The following AMD1 variants were observed in gnomAD, a reference collection of about 807,000 sequenced individuals.
AMD1 encodes adenosylmethionine decarboxylase 1.
Under a neutral mutation model 40.2 loss-of-function variants are expected in AMD1, and 11 were observed. The observed-to-expected ratio is 0.27, with a 90% CI of 0.17 to 0.45. The LOEUF is 0.45. AMD1 is among the 20% of genes least tolerant of loss of function. AMD1 has a pLI of 1.00. For missense variants in AMD1, 257 were observed against 410.2 expected, an observed-to-expected ratio of 0.63 and a Z score of 3.23; for synonymous variants, 121 against 130.8, an observed-to-expected ratio of 0.93 and a Z score of 0.51.
At chr6:110,875,924 C>G (rs1326988115) in intron 1 of AMD1, among the ~76,000 whole-genome samples, 2 of 152,182 alleles carry the variant, frequency 1.3e-5, no homozygotes, top group Non-Finnish European at 2.9e-5. Context: ...CCCGGGGCCG[C>G]CCTCGACACG....
chr6:110,816,608 G>A, the AMD1 span, among the ~76,000 whole-genome samples: 45 of 152,286 alleles, frequency 3.0e-4, no homozygotes, highest in African/African-American at 1.0e-3. Context: ...CGTAATTAAA[G>A]GAATCTTACC....
chr6:110,851,097 G>A, the AMD1 span, among the ~76,000 whole-genome samples: 1 of 151,972 alleles, frequency 6.6e-6, no homozygotes, highest in Non-Finnish European at 1.5e-5. Flanking sequence ...CCGAGTAGCT[G>A]GGACTACAGG....
the AMD1 span, among the ~76,000 whole-genome samples, chr6:110,827,780 A>G: frequency 6.6e-6 from 1 of 152,004 alleles, no homozygotes; most frequent in Admixed American, 6.6e-5. Context: ...AAAAAAAAAA[A>G]AACACTACGA....
At chr6:110,860,824 AACACCCACCCACAC>A in the AMD1 span, among the ~76,000 whole-genome samples, 87 of 133,584 alleles carry the variant, frequency 6.5e-4, 1 homozygote, top group East Asian at 0.016. Flanking sequence ...AACAAAACAA[AACACCCACCCACAC>A]ACACACACAC....
At chr6:110,888,077 G>A (rs761009569) in intron 2 of AMD1, among the ~76,000 whole-genome samples, 12 of 152,148 alleles carry the variant, frequency 7.9e-5, no homozygotes, top group Non-Finnish European at 1.6e-4. Context: ...AAGCCTCACC[G>A]GACAGTTCAA....
intron 2 of AMD1, among the ~76,000 whole-genome samples, chr6:110,888,117 TAAAG>T (rs1785799781): frequency 1.3e-5 from 2 of 152,130 alleles, no homozygotes; most frequent in African/African-American, 4.8e-5. Flanking sequence ...TCCCAATTGG[TAAAG>T]AAGGACCTCT....
the AMD1 span, among the ~76,000 whole-genome samples, chr6:110,840,425 A>G: frequency 6.6e-6 from 1 of 151,976 alleles, no homozygotes; most frequent in Non-Finnish European, 1.5e-5. Flanking sequence ...GGTTCCAACA[A>G]CCCACTCTTT....
chr6:110,888,270 T>A (rs1785807353), intron 2 of AMD1: 1 of 152,270 alleles, frequency 6.6e-6, no homozygotes, highest in African/African-American at 2.4e-5. Context: ...TTATAGTATA[T>A]ATTGTGATGG....
chr6:110,842,669 G>A, the AMD1 span, among the ~76,000 whole-genome samples: 2 of 152,168 alleles, frequency 1.3e-5, no homozygotes, highest in Non-Finnish European at 2.9e-5. Context: ...ACCCTTCATA[G>A]TTTTTAATGT....
At chr6:110,817,258 G>A in the AMD1 span, among the ~76,000 whole-genome samples, 1 of 152,108 alleles carries the variant, frequency 6.6e-6, no homozygotes, top group African/African-American at 2.4e-5. Context: ...CTAGTGGGAG[G>A]GGGAATGATT....
At chr6:110,882,569 C>T (rs1465679865) in intron 1 of AMD1, among the ~76,000 whole-genome samples, 1 of 152,168 alleles carries the variant, frequency 6.6e-6, no homozygotes, top group African/African-American at 2.4e-5. Context: ...CTTTTATGTA[C>T]ATGTATAGCA....
the AMD1 span, among the ~76,000 whole-genome samples, chr6:110,828,457 GAAAAGA>G: frequency 6.6e-6 from 1 of 151,614 alleles, no homozygotes; most frequent in South Asian, 2.1e-4. Flanking sequence ...AGAAAGAAAA[GAAAAGA>G]AAAAGAAAAA....
the AMD1 span, among the ~76,000 whole-genome samples, chr6:110,835,464 A>G: frequency 6.6e-6 from 1 of 152,234 alleles, no homozygotes; most frequent in Non-Finnish European, 1.5e-5. Context: ...TACACTTTGA[A>G]TGAATCTTTT....
chr6:110,821,529 A>C, the AMD1 span, among the ~76,000 whole-genome samples: 1 of 152,144 alleles, frequency 6.6e-6, no homozygotes, highest in Non-Finnish European at 1.5e-5. Flanking sequence ...CGGGAGAATC[A>C]CTTGAACCCA....
the AMD1 span, among the ~76,000 whole-genome samples, chr6:110,860,835 A>T: frequency 0.053 from 5,797 of 109,500 alleles, 171 homozygotes; most frequent in Non-Finnish European, 0.078. Context: ...ACACCCACCC[A>T]CACACACACA....
At chr6:110,887,059 A>G (rs1173127350) in intron 1 of AMD1, among the ~76,000 whole-genome samples, 1 of 152,184 alleles carries the variant, frequency 6.6e-6, no homozygotes, top group Non-Finnish European at 1.5e-5. Context: ...TATAAGAGTA[A>G]CATCACTCAC....
the AMD1 span, chr6:110,848,613 T>C: frequency 1.8e-6 from 1 of 568,510 alleles, no homozygotes; most frequent in Non-Finnish European, 2.8e-6. Context: ...AAATAAATCT[T>C]CTTTTGCAAC....
intron 1 of AMD1, among the ~76,000 whole-genome samples, chr6:110,883,040 CTT>C (rs1224632680): frequency 6.6e-6 from 1 of 152,132 alleles, no homozygotes; most frequent in Non-Finnish European, 1.5e-5. Context: ...GGGAGGATCT[CTT>C]TGAGCATGGG....
At chr6:110,847,722 GT>G in the AMD1 span, among the ~76,000 whole-genome samples, 162 of 117,536 alleles carry the variant, frequency 1.4e-3, no homozygotes, top group African/African-American at 4.6e-3. Context: ...TTTGTTTTTT[GT>G]TTTTTTGAGA....
Sources: gnomAD v4.1 joint callset for allele counts (sites outside exome capture counted in the v4.1 genomes callset) on GRCh38, gnomAD v4.1.1 for gene constraint, MANE v1.5 for transcripts, NCBI Gene and HGNC (gene_info 2026-07-23, HGNC 2026-07-21) for gene names.